MUSK: variants seen among roughly 807,000 people sequenced by gnomAD.
MUSK encodes the protein muscle, skeletal receptor tyrosine-protein kinase.
In MUSK, 55 loss-of-function variants were observed where a neutral mutation model predicts 88.7. The observed-to-expected ratio is 0.62, with a 90% CI of 0.50 to 0.78. MUSK has a LOEUF of 0.78. Among genes scored for constraint, MUSK ranks in the 30% least tolerant of loss-of-function variants. The pLI, the probability that MUSK is intolerant of heterozygous loss-of-function variation, is 0.00. For synonymous variants in MUSK, 387 were observed against 391.9 expected, an observed-to-expected ratio of 0.99 and a Z score of 0.15; for missense variants, 1,015 against 1,074.3, an observed-to-expected ratio of 0.94 and a Z score of 0.77.
chr9:110,790,493 G>A (rs1435224917), intron 14 of MUSK, among the ~76,000 whole-genome samples: 1 of 152,220 alleles, frequency 6.6e-6, no homozygotes, highest in Non-Finnish European at 1.5e-5. Flanking sequence ...AATAGTGGAA[G>A]TAACATCTTT....
At chr9:110,771,161 CTTTTTTTTT>C (rs34185224) in intron 9 of MUSK, among the ~76,000 whole-genome samples, 38 of 96,434 alleles carry the variant, frequency 3.9e-4, no homozygotes, top group African/African-American at 1.1e-3. Flanking sequence ...TCATTTCCTT[CTTTTTTTTT>C]TTTTTTTTTT....
At chr9:110,798,421 T>C (rs1347240727) in intron 14 of MUSK, among the ~76,000 whole-genome samples, 1 of 152,198 alleles carries the variant, frequency 6.6e-6, no homozygotes, top group African/African-American at 2.4e-5. Context: ...AGGCATTGAA[T>C]ATTATAGACT....
chr9:110,755,939 T>TATATATATAG (rs1564268573), intron 7 of MUSK, among the ~76,000 whole-genome samples: 1 of 71,198 alleles, frequency 1.4e-5, no homozygotes, highest in Non-Finnish European at 2.8e-5. Context: ...TATACATATA[T>TATATATATAG]ATATATATAT....
chr9:110,773,498 T>A (rs1296574157), intron 9 of MUSK, among the ~76,000 whole-genome samples: 1 of 152,190 alleles, frequency 6.6e-6, no homozygotes, highest in Non-Finnish European at 1.5e-5. Context: ...GAGGAGCTTA[T>A]ACTATGTTAC....
chr9:110,800,884 C>T lies in MUSK; in HGVS notation c.2506C>T (p.Arg836Cys), dbSNP rs769657813. 6 of 1,571,542 alleles carry T rather than the reference C, an allele frequency of 3.8e-6. No homozygotes were observed. The highest frequency in any genetic ancestry group is 5.2e-6 in the Non-Finnish European group (6 of 1,158,198). ...CCCCGTGGAGCTGTACAATCTCATG[C>T]GTCTATGTTGGAGCAAGCTGCCTGC... ...NCPVELYNLM[R>C]LCWSKLPADR... The change falls in exon 15 of 15, where the codon CGT becomes TGT. Residue 836 changes from arginine (R) to cysteine (C), a missense_variant. Transcript: ENST00000374448.
rs372565794 is a variant in MUSK, at chr9:110,689,742, AT to A, written c.358+2476del. 2.1e-3 allele frequency among the ~76,000 whole-genome samples: 118 copies of A among 55,850 alleles called. 8 individuals carry two copies. The highest frequency in any genetic ancestry group is 0.012 in the African/African-American group (74 of 6,414). The allele number at this position is 55,850 out of a possible 152,430, so 36.6% of individuals were successfully genotyped here. On this transcript the variant is annotated intron_variant, in intron 3 of 14. Coordinates refer to ENST00000374448, the MANE Select transcript of MUSK (RefSeq NM_005592.4). ...ATGTTATATATAGTTTATATATAAT[AT>A]TATATATTATATATAAACTATATAT...
At chr9:110,685,048 A>G (rs1310736218) in intron 2 of MUSK, among the ~76,000 whole-genome samples, 1 of 152,110 alleles carries the variant, frequency 6.6e-6, no homozygotes, top group African/African-American at 2.4e-5. Flanking sequence ...ATTCCAGACT[A>G]GAGGAAAGGC....
intron 5 of MUSK, among the ~76,000 whole-genome samples, chr9:110,699,752 G>A (rs935687045): frequency 3.9e-5 from 6 of 152,150 alleles, no homozygotes; most frequent in Admixed American, 2.0e-4. Flanking sequence ...TGGGGCAGAC[G>A]AGCATATGTA....
intron 5 of MUSK, among the ~76,000 whole-genome samples, chr9:110,709,545 C>G (rs547593082): frequency 6.6e-6 from 1 of 152,266 alleles, no homozygotes; most frequent in South Asian, 2.1e-4. Flanking sequence ...ATTTATAGCT[C>G]TTACAAGAGT....
chr9:110,733,183 T>C (rs2076985916), intron 5 of MUSK, among the ~76,000 whole-genome samples: 1 of 152,110 alleles, frequency 6.6e-6, no homozygotes, highest in Non-Finnish European at 1.5e-5. Context: ...AAAATATACT[T>C]ACAGTATAAT....
intron 3 of MUSK, among the ~76,000 whole-genome samples, chr9:110,690,871 T>G (rs1400787423): frequency 1.4e-5 from 2 of 138,386 alleles, no homozygotes; most frequent in Non-Finnish European, 1.5e-5. Flanking sequence ...TATATTTAAA[T>G]AAATATATAT....
At chr9:110,702,117 A>T (rs936341111) in intron 5 of MUSK, among the ~76,000 whole-genome samples, 1 of 151,700 alleles carries the variant, frequency 6.6e-6, no homozygotes, top group African/African-American at 2.4e-5. Flanking sequence ...AGCTCCAGCA[A>T]TATAACAGAC....
At chr9:110,672,002 G>T (rs756329243) in intron 1 of MUSK, among the ~76,000 whole-genome samples, 4 of 152,140 alleles carry the variant, frequency 2.6e-5, no homozygotes, top group Admixed American at 6.5e-5. Context: ...ATAAGGATAG[G>T]ATTCACAGAT....
chr9:110,677,115 C>T (rs565066561), intron 1 of MUSK, among the ~76,000 whole-genome samples: 1 of 152,316 alleles, frequency 6.6e-6, no homozygotes, highest in East Asian at 1.9e-4. Context: ...TCAATTATCT[C>T]CTGTCTTTCT....
At chr9:110,771,161 C>CTTTTTTTTTTTTTTTT (rs34185224) in intron 9 of MUSK, among the ~76,000 whole-genome samples, 2 of 96,434 alleles carry the variant, frequency 2.1e-5, no homozygotes, top group Non-Finnish European at 3.8e-5. Flanking sequence ...TCATTTCCTT[C>CTTTTTTTTTTTTTTTT]TTTTTTTTTT....
chr9:110,671,920 T>G (rs1004766603), intron 1 of MUSK, among the ~76,000 whole-genome samples: 2 of 152,196 alleles, frequency 1.3e-5, no homozygotes, highest in African/African-American at 2.4e-5. Flanking sequence ...TACAATACGT[T>G]GAAGTGTTTG....
At chr9:110,719,576 T>C (rs1198022845) in intron 5 of MUSK, among the ~76,000 whole-genome samples, 1 of 151,792 alleles carries the variant, frequency 6.6e-6, no homozygotes, top group Non-Finnish European at 1.5e-5. Flanking sequence ...ACACTGGAGC[T>C]CCCAAATTTA....
At chr9:110,686,187 C>A (rs1481872124) in intron 2 of MUSK, among the ~76,000 whole-genome samples, 1 of 152,090 alleles carries the variant, frequency 6.6e-6, no homozygotes, top group East Asian at 1.9e-4. Flanking sequence ...CCTTGGCCCC[C>A]TACTCCACTT....
At chr9:110,782,435 A>T (rs2077776434) in intron 11 of MUSK, among the ~76,000 whole-genome samples, 1 of 152,192 alleles carries the variant, frequency 6.6e-6, no homozygotes, top group Admixed American at 6.5e-5. Flanking sequence ...CTTGCATTTT[A>T]AAAAAACTCA....
Sources: allele counts gnomAD v4.1 joint callset (sites outside exome capture counted in the v4.1 genomes callset), GRCh38; gene constraint gnomAD v4.1.1; transcripts MANE v1.5; gene names NCBI Gene and HGNC (gene_info 2026-07-23, HGNC 2026-07-21).